STK17A: variants seen among roughly 807,000 people sequenced by gnomAD.
STK17A encodes the protein serine/threonine kinase 17a.
Under a neutral mutation model 43.7 loss-of-function variants are expected in STK17A, and 26 were observed. That is an observed-to-expected ratio of 0.60 (90% CI 0.44 to 0.83). The LOEUF (loss-of-function observed/expected upper bound fraction) is 0.83. Among genes scored for constraint, STK17A ranks in the 40% least tolerant of loss-of-function variants. The pLI is 0.00. For missense variants in STK17A, 476 were observed against 511.6 expected, an observed-to-expected ratio of 0.93 and a Z score of 0.67; for synonymous variants, 191 against 182.5, an observed-to-expected ratio of 1.05 and a Z score of -0.38.
chr7:43,590,884 G>C (rs921621451), intron 1 of STK17A, among the ~76,000 whole-genome samples: 1 of 151,402 alleles, frequency 6.6e-6, no homozygotes, highest in Non-Finnish European at 1.5e-5. Context: ...GCCCTTTTGA[G>C]GTATGGAATT....
intron 4 of STK17A, among the ~76,000 whole-genome samples, chr7:43,620,275 T>C (rs1431957289): frequency 6.6e-6 from 1 of 152,242 alleles, no homozygotes; most frequent in Non-Finnish European, 1.5e-5. Context: ...CTTTCTTTGA[T>C]AGACTGAGGA....
chr7:43,614,373 A>C (rs1313369449), intron 3 of STK17A, among the ~76,000 whole-genome samples: 1 of 152,204 alleles, frequency 6.6e-6, no homozygotes. Flanking sequence ...TTTAAATAGA[A>C]CTAGATTTTG....
chr7:43,600,713 A>G (rs1358074157), intron 2 of STK17A, among the ~76,000 whole-genome samples: 1 of 152,194 alleles, frequency 6.6e-6, no homozygotes, highest in Non-Finnish European at 1.5e-5. Context: ...CCTTAAAAAA[A>G]TACATTTTAA....
chr7:43,583,118 C>A lies in STK17A; in HGVS notation c.-126C>A. 1 of 1,022,636 alleles carries A rather than the reference C, an allele frequency of 9.8e-7. No individual in the cohort carries two copies. Among genetic ancestry groups the A allele is most frequent in the South Asian group, 1.6e-5 (1 of 62,816 alleles). 63.3% of individuals were successfully genotyped at this position (1,022,636 alleles called of 1,614,324 possible). A position where few individuals can be genotyped will look rare whatever the true frequency, so the allele number is the denominator to read the frequency against. ...GGTAGTCTGCCTGCCGCAGTCCGAG[C>A]GCCGCGCTGGGGAGAGCGGGTGTTT... On this transcript the variant is annotated 5_prime_UTR_variant, in exon 1 of 7. Transcript: ENST00000319357.
At chr7:43,596,867 CAA>C (rs34131847) in intron 2 of STK17A, among the ~76,000 whole-genome samples, 12,575 of 106,446 alleles carry the variant, frequency 0.12, 538 homozygotes, top group Admixed American at 0.2. Context: ...GACTCCATCT[CAA>C]AAAAAAAAAA....
At chr7:43,596,331 T>C (rs1232283880) in intron 2 of STK17A, among the ~76,000 whole-genome samples, 1 of 152,216 alleles carries the variant, frequency 6.6e-6, no homozygotes, top group East Asian at 1.9e-4. Flanking sequence ...ATGAAATTCT[T>C]GTCATAATTG....
At chr7:43,620,105 C>T (rs79659153) in intron 4 of STK17A, among the ~76,000 whole-genome samples, 2 of 152,234 alleles carry the variant, frequency 1.3e-5, no homozygotes, top group South Asian at 2.1e-4. Flanking sequence ...GTCTGAGGCT[C>T]CATAGAAGTG....
At chr7:43,590,580 A>G (rs891359470) in intron 1 of STK17A, among the ~76,000 whole-genome samples, 3 of 151,504 alleles carry the variant, frequency 2.0e-5, no homozygotes, top group African/African-American at 7.3e-5. Context: ...TTTTGTACCT[A>G]TTAGCAAAAT....
intron 2 of STK17A, among the ~76,000 whole-genome samples, chr7:43,607,430 C>T (rs903110236): frequency 1.3e-5 from 2 of 151,624 alleles, no homozygotes; most frequent in Non-Finnish European, 2.9e-5. Context: ...GGGTGGCTCA[C>T]GAGGTCAAGG....
chr7:43,584,606 G>A (rs191320118), intron 1 of STK17A, among the ~76,000 whole-genome samples: 1 of 152,194 alleles, frequency 6.6e-6, no homozygotes, highest in Admixed American at 6.5e-5. Context: ...ATGTAACATT[G>A]GTTATAATGT....
chr7:43,594,294 T>G lies in STK17A; in HGVS notation c.207-1607T>G, dbSNP rs532006986. 2.7e-5 allele frequency among the ~76,000 whole-genome samples: 4 copies of G among 150,906 alleles called. No individual in the cohort carries two copies. The South Asian group carries it at 8.4e-4, about 32-fold the overall frequency. On this transcript the variant is annotated intron_variant, in intron 1 of 6. Transcript: ENST00000319357. ...AAAAAAAACCCATGGGGATGGGGAT[T>G]GATTGCAAATTGGGAAAGGGAAGAG...
chr7:43,584,144 G>A (rs2082423170), intron 1 of STK17A, among the ~76,000 whole-genome samples: 1 of 152,064 alleles, frequency 6.6e-6, no homozygotes, highest in Admixed American at 6.5e-5. Context: ...GGAGTAGAGA[G>A]AGCTTACAAC....
At chr7:43,606,741 G>T (rs1210217821) in intron 2 of STK17A, among the ~76,000 whole-genome samples, 1 of 151,812 alleles carries the variant, frequency 6.6e-6, no homozygotes, top group African/African-American at 2.4e-5. Flanking sequence ...TTGTTCTTTA[G>T]TGAGATCACA....
chr7:43,607,761 G>T (rs2082620415), intron 2 of STK17A, among the ~76,000 whole-genome samples: 1 of 151,902 alleles, frequency 6.6e-6, no homozygotes, highest in Admixed American at 6.5e-5. Context: ...TGATAGTAAT[G>T]GGCTGAGGAA....
intron 3 of STK17A, among the ~76,000 whole-genome samples, chr7:43,610,906 C>G (rs1036683592): frequency 1.3e-5 from 2 of 152,156 alleles, no homozygotes; most frequent in South Asian, 2.1e-4. Flanking sequence ...CGCTTGAGGT[C>G]AGGAGTTTGA....
Position 43,606,017 on chromosome 7 carries a change from A to AT in STK17A, c.420-2229dup, listed in dbSNP as rs35358851. 5.1e-4 allele frequency among the ~76,000 whole-genome samples: 76 copies of AT among 149,318 alleles called. 1 individual carries two copies. The highest frequency in any genetic ancestry group is 1.7e-3 in the African/African-American group (68 of 40,558). ...TCAGAATAAATGTCATCTTTCCAAG[A>AT]TTTTTTTTTTCTACTTCCTTTCCAA... On this transcript the variant is annotated intron_variant, in intron 2 of 6. Transcript: ENST00000319357.
intron 1 of STK17A, among the ~76,000 whole-genome samples, chr7:43,585,284 G>GA (rs11384047): frequency 0.3 from 43,295 of 145,108 alleles, 7,496 homozygotes; most frequent in Non-Finnish European, 0.36. Context: ...ATTACAAAAC[G>GA]AATGTCTTCA....
Position 43,623,581 on chromosome 7 carries a change from T to C in STK17A, c.701T>C (p.Ile234Thr), listed in dbSNP as rs2084154293. The C allele has an allele frequency of 6.2e-7, 1 of 1,609,140 alleles. No individual in the cohort carries two copies. The highest frequency in any genetic ancestry group is 1.7e-5 in the Admixed American group (1 of 59,328). The change falls in exon 5 of 7, where the codon ATT (isoleucine) becomes ACT (threonine). Residue 234 changes from isoleucine (I) to threonine (T), a missense_variant. This residue lies in a region of STK17A where 320 missense variants were observed against 326.3 expected (regional missense o/e 0.98). Transcript: ENST00000319357. ...MGTPEYVAPE[I>T]LSYDPISMAT... ...CTCTTTCTGATACTAGCTCCTGAAATTCTTAGTTATGATCCTATAAGCATG... is the reference window on the plus strand; with the variant it reads ...CTCTTTCTGATACTAGCTCCTGAAACTCTTAGTTATGATCCTATAAGCATG...
intron 1 of STK17A, among the ~76,000 whole-genome samples, chr7:43,585,284 G>T (rs1270850914): frequency 6.9e-6 from 1 of 145,056 alleles, no homozygotes; most frequent in Non-Finnish European, 1.6e-5. Context: ...ATTACAAAAC[G>T]AATGTCTTCA....
Sources: gnomAD v4.1 joint callset for allele counts (sites outside exome capture counted in the v4.1 genomes callset) on GRCh38, gnomAD v4.1.1 for gene constraint, gnomAD v4.1.1 regional missense constraint, MANE v1.5 for transcripts, NCBI Gene and HGNC (gene_info 2026-07-23, HGNC 2026-07-21) for gene names.